RBFOX1: variants seen among roughly 807,000 people sequenced by gnomAD.
RBFOX1 encodes the protein RNA binding protein fox-1 homolog 1.
A neutral mutation model predicts 57.7 loss-of-function variants in RBFOX1; 8 were observed. The ratio of observed to expected loss-of-function variants is 0.14; its 90% CI spans 0.08 to 0.25. RBFOX1 has a LOEUF of 0.25. Ranked by LOEUF, RBFOX1 falls within the 10% of genes least tolerant of loss-of-function variation. RBFOX1 has a pLI of 1.00. For synonymous variants in RBFOX1, 326 were observed against 222.4 expected (o/e 1.47, Z -4.15); for missense variants, 611 against 548.5 (o/e 1.11, Z -1.14).
intron 3 of RBFOX1, among the ~76,000 whole-genome samples, chr16:5,736,569 T>C (rs1419562097): frequency 1.3e-5 from 2 of 152,290 alleles, no homozygotes; most frequent in Non-Finnish European, 2.9e-5. Context: ...TCGGGGTCAT[T>C]TGAAAGCCCT....
At chr16:5,848,664 A>G (rs2056814962) in intron 3 of RBFOX1, among the ~76,000 whole-genome samples, 1 of 152,176 alleles carries the variant, frequency 6.6e-6, no homozygotes, top group Non-Finnish European at 1.5e-5. Flanking sequence ...TAAACAGCTT[A>G]TTAAATAAGC....
At chr16:7,310,805 G>C (rs1384003137) in intron 4 of RBFOX1, among the ~76,000 whole-genome samples, 1 of 152,164 alleles carries the variant, frequency 6.6e-6, no homozygotes. Context: ...CCATGTTGAT[G>C]GAACTCCTGA....
chr16:6,230,254 A>G (rs374976589), intron 1 of RBFOX1, among the ~76,000 whole-genome samples: 6 of 152,318 alleles, frequency 3.9e-5, no homozygotes, highest in African/African-American at 1.4e-4. Context: ...AATAATCACC[A>G]ATCTCGATTG....
At chr16:5,501,118 C>G (rs1404545307) in intron 2 of RBFOX1, among the ~76,000 whole-genome samples, 1 of 151,988 alleles carries the variant, frequency 6.6e-6, no homozygotes, top group East Asian at 1.9e-4. Flanking sequence ...GAGTTTGAGA[C>G]CAGCTTGGCC....
At chr16:7,516,867 T>C (rs936207624) in intron 4 of RBFOX1, among the ~76,000 whole-genome samples, 8 of 152,116 alleles carry the variant, frequency 5.3e-5, no homozygotes, top group Admixed American at 1.3e-4. Flanking sequence ...TCTGTCATCA[T>C]GTTTTTGCTG....
At chr16:7,066,302 G>A (rs1258145323) in intron 4 of RBFOX1, among the ~76,000 whole-genome samples, 1 of 152,192 alleles carries the variant, frequency 6.6e-6, no homozygotes, top group Non-Finnish European at 1.5e-5. Flanking sequence ...GATGTCTATT[G>A]AGATTGCCTT....
At chr16:7,432,442 C>A (rs1042604646) in intron 4 of RBFOX1, among the ~76,000 whole-genome samples, 1 of 152,152 alleles carries the variant, frequency 6.6e-6, no homozygotes, top group African/African-American at 2.4e-5. Context: ...CTTACTGAGG[C>A]TGCTTGGAGA....
At chr16:7,405,528 C>T (rs1239615299) in intron 4 of RBFOX1, among the ~76,000 whole-genome samples, 1 of 152,200 alleles carries the variant, frequency 6.6e-6, no homozygotes, top group African/African-American at 2.4e-5. Context: ...GAGCAACCCT[C>T]TTCCTTGCAC....
rs547210412 is a variant in RBFOX1 at position 5,946,486 on chromosome 16, C to G, written c.351+79151C>G. Among the ~76,000 whole-genome samples, 1 of 152,324 alleles carries G rather than the reference C, an allele frequency of 6.6e-6. No individual in the cohort carries two copies. Among genetic ancestry groups the G allele is most frequent in the Non-Finnish European group, 1.5e-5 (1 of 68,024 alleles). ...CTCTGCTCTCATGGAATGGGAGTGC[C>G]TCATGGTGGGGTGCCTGGAGAGGAC... On this transcript the variant is annotated intron_variant, in intron 4 of 19. Coordinates refer to the RBFOX1 transcript ENST00000641259. This position sits in a 1 kb window ranked among gnomAD's most constrained non-coding sequence, Gnocchi z 4.6.
At chr16:6,856,947 G>A (rs1449860774) in intron 3 of RBFOX1, among the ~76,000 whole-genome samples, 1 of 152,098 alleles carries the variant, frequency 6.6e-6, no homozygotes, top group Admixed American at 6.5e-5. Flanking sequence ...ACGAACGGAG[G>A]GACATGAGAA....
At chr16:6,719,448 T>G (rs1026157533) in intron 3 of RBFOX1, among the ~76,000 whole-genome samples, 2 of 121,836 alleles carry the variant, frequency 1.6e-5, no homozygotes, top group Non-Finnish European at 1.6e-5. Context: ...ATAACCTGTT[T>G]TTTTTTTTTT....
intron 1 of RBFOX1, among the ~76,000 whole-genome samples, chr16:6,272,176 T>A (rs1324333861): frequency 1.3e-5 from 2 of 152,166 alleles, no homozygotes. Flanking sequence ...ACCCTACCAA[T>A]AGGCTGAAGA....
At chr16:7,189,586 C>CACACACAG (rs1291219168) in intron 4 of RBFOX1, among the ~76,000 whole-genome samples, 8 of 146,024 alleles carry the variant, frequency 5.5e-5, no homozygotes, top group African/African-American at 2.1e-4. Context: ...CACACACACA[C>CACACACAG]ATACACACAC....
intron 4 of RBFOX1, among the ~76,000 whole-genome samples, chr16:7,161,246 G>C (rs1601488025): frequency 6.6e-6 from 1 of 152,188 alleles, no homozygotes; most frequent in Non-Finnish European, 1.5e-5. Flanking sequence ...AGAGTGCTAT[G>C]ATTGATTAAT....
intron 3 of RBFOX1, among the ~76,000 whole-genome samples, chr16:7,018,947 C>A (rs183652025): frequency 2.0e-5 from 3 of 151,844 alleles, no homozygotes; most frequent in Admixed American, 2.0e-4. Flanking sequence ...AGTGAGACCT[C>A]GTCTCTACAA....
chr16:6,888,051 T>C (rs1319010645), intron 3 of RBFOX1, among the ~76,000 whole-genome samples: 1 of 152,124 alleles, frequency 6.6e-6, no homozygotes, highest in Non-Finnish European at 1.5e-5. Context: ...GTGTCTGATT[T>C]GGGGAAGACG....
At chr16:7,014,186 C>G (rs2093789607) in intron 3 of RBFOX1, among the ~76,000 whole-genome samples, 1 of 151,752 alleles carries the variant, frequency 6.6e-6, no homozygotes, top group African/African-American at 2.4e-5. Context: ...ATGAAAATAA[C>G]CTGTTCAAAA....
At chr16:5,621,883 A>G (rs2048211090) in intron 3 of RBFOX1, among the ~76,000 whole-genome samples, 1 of 152,172 alleles carries the variant, frequency 6.6e-6, no homozygotes, top group South Asian at 2.1e-4. Context: ...GGTAGTAGTG[A>G]TGATGTCCAT....
chr16:6,377,622 C>T (rs564739674), intron 2 of RBFOX1, among the ~76,000 whole-genome samples: 1 of 152,258 alleles, frequency 6.6e-6, no homozygotes, highest in East Asian at 1.9e-4. Flanking sequence ...ATGGAAAAAT[C>T]CTCCAAGCGC....
Sources: allele counts gnomAD v4.1 joint callset (sites outside exome capture counted in the v4.1 genomes callset), GRCh38; gene constraint gnomAD v4.1.1; non-coding constraint Gnocchi (gnomAD v3.1); transcripts MANE v1.5; gene names NCBI Gene and HGNC (gene_info 2026-07-23, HGNC 2026-07-21).